Variants in DYNC1H1 observed in about 807,000 individuals in gnomAD.
DYNC1H1 encodes cytoplasmic dynein 1 heavy chain 1.
A neutral mutation model predicts 527.1 loss-of-function variants in DYNC1H1; 51 were observed. The observed-to-expected ratio is 0.10, with a 90% CI of 0.08 to 0.12. The LOEUF is 0.12. Ranked by LOEUF, DYNC1H1 falls within the 10% of genes least tolerant of loss-of-function variation. DYNC1H1 has a pLI of 1.00. For missense variants in DYNC1H1, 2,771 were observed against 5,971.8 expected, an observed-to-expected ratio of 0.46 and a Z score of 17.66; for synonymous variants, 2,189 against 2,278.8, an observed-to-expected ratio of 0.96 and a Z score of 1.12.
At chr14:101,971,082 ATTCT>A (rs1282514017) in intron 1 of DYNC1H1, among the ~76,000 whole-genome samples, 25 of 105,470 alleles carry the variant, frequency 2.4e-4, no homozygotes, top group Non-Finnish European at 3.8e-4. Context: ...GGGCCGTATC[ATTCT>A]TTTTTTTTTT....
intron 29 of DYNC1H1, chr14:102,009,267 T>C (rs1487158093): frequency 1.3e-5 from 2 of 158,300 alleles, no homozygotes; most frequent in Non-Finnish European, 2.8e-5. Context: ...TAATGTTTCC[T>C]TTTATTGCAT....
At position 101,997,717 on chromosome 14, in the gene DYNC1H1, G is replaced by GA. The variant is rs1265441117; in HGVS notation, c.3804+446dup. On this transcript the variant is annotated intron_variant, in intron 16 of 77. Coordinates refer to ENST00000360184, the MANE Select transcript of DYNC1H1 (RefSeq NM_001376.5). The surrounding 1 kb of genome is among the most constrained non-coding windows in gnomAD (Gnocchi z 4.8). ...AGCCATTTAAACCTTCCACCACCCA[G>GA]AAACTGCCACATCCACTTTTCTTCA... 1.8e-4 allele frequency among the ~76,000 whole-genome samples: 28 copies of GA among 152,320 alleles called. No homozygotes were observed. The highest frequency in any genetic ancestry group is 6.3e-4 in the African/African-American group (26 of 41,574).
chr14:102,025,355 A>C (rs2048435970), intron 43 of DYNC1H1, among the ~76,000 whole-genome samples: 1 of 151,742 alleles, frequency 6.6e-6, no homozygotes, highest in Non-Finnish European at 1.5e-5. Context: ...CAGTGAGCCG[A>C]GATCGCGCCA....
At position 102,010,512 on chromosome 14, in the gene DYNC1H1, C is replaced by T; in HGVS notation, c.6405+53C>T. 6.3e-7 allele frequency: 1 copy of T among 1,596,956 alleles called. No individual in the cohort carries two copies. The highest frequency in any genetic ancestry group is 8.5e-7 in the Non-Finnish European group (1 of 1,171,552). On this transcript the variant is annotated intron_variant, in intron 31 of 77. Coordinates refer to ENST00000360184, the MANE Select transcript of DYNC1H1 (RefSeq NM_001376.5). This position sits in a 1 kb window ranked among gnomAD's most constrained non-coding sequence, Gnocchi z 6.0. ...AACCTTATACGTTATTTAAATTTACCTTTTTAACATTTAAGCCATGACTTG... is the reference window on the plus strand; with the variant it reads ...AACCTTATACGTTATTTAAATTTACTTTTTTAACATTTAAGCCATGACTTG...
chr14:102,049,625 C>G lies in DYNC1H1; in HGVS notation c.13515+43C>G. 2 of 1,613,188 alleles carry G rather than the reference C, an allele frequency of 1.2e-6. No individual in the cohort carries two copies. Among genetic ancestry groups the G allele is most frequent in the African/African-American group, 1.3e-5 (1 of 75,042 alleles). ...GAGTCTCGGGTGGTCAGCAGCTGTC[C>G]TGGGCTGGGGTGGGAGTGGCTCTGG... On this transcript the variant is annotated intron_variant, in intron 75 of 77. Transcript: ENST00000360184. The surrounding 1 kb of genome is among the most constrained non-coding windows in gnomAD (Gnocchi z 5.5).
chr14:101,994,616 C>A, intron 12 of DYNC1H1, 57 bp from the exon 13 acceptor site: 3 of 1,597,640 alleles, frequency 1.9e-6, no homozygotes, highest in Non-Finnish European at 2.6e-6. Flanking sequence ...TAAGAGGTGC[C>A]AGTATTCTAC....
chr14:101,991,645 T>C lies in DYNC1H1; in HGVS notation c.2987T>C (p.Leu996Pro). 1.9e-6 allele frequency: 3 copies of C among 1,614,100 alleles called. No homozygotes were observed. Among genetic ancestry groups the C allele is most frequent in the Non-Finnish European group, 2.5e-6 (3 of 1,180,022 alleles). ...MFAWKMVVLS[L>P]PRIQSQRYQV... ...GCCTGGAAGATGGTTGTACTGTCTC[T>C]CCCCAGGATCCAGAGTCAGAGGTAC... Residue 996 changes from leucine (L) to proline (P), a missense_variant, in exon 11 of 78, where the codon CTC becomes CCC. This residue lies in a region of DYNC1H1 where 179 missense variants were observed against 349.4 expected (regional missense o/e 0.51). Transcript: ENST00000360184.
At position 102,040,580 on chromosome 14, in the gene DYNC1H1, C is replaced by T. The variant is rs886130859; in HGVS notation, c.11866-18C>T. ...GGCCAGCCCTGCTCCATGGGTGCTT[C>T]CACTATTGTCTCCACAGCAATTTGG... On this transcript the variant is annotated intron_variant, in intron 63 of 77. Transcript: ENST00000360184. The T allele has an allele frequency of 1.1e-5, 17 of 1,614,060 alleles. No individual in the cohort carries two copies. In the African/African-American group the frequency reaches 2.3e-4, roughly 22 times the overall value.
At chr14:101,978,332 C>T (rs138893859) in intron 2 of DYNC1H1, among the ~76,000 whole-genome samples, 3 of 152,226 alleles carry the variant, frequency 2.0e-5, no homozygotes, top group South Asian at 4.1e-4. Flanking sequence ...CTACTGTGCC[C>T]GGCCTAATTT....
In DYNC1H1 at chr14:102,020,157, G is replaced by C; in HGVS notation, c.8507+101G>C. On this transcript the variant is annotated intron_variant, in intron 42 of 77. Transcript: ENST00000360184. The surrounding 1 kb of genome is among the most constrained non-coding windows in gnomAD (Gnocchi z 4.3). ...TTGCAGGGGTGGTCTGCCTAAGTTA[G>C]AGCCAGGTGGTGCCAGTGGTGGAAG... is the stretch of plus-strand genomic sequence containing the variant. 1 of 1,495,412 alleles carries C rather than the reference G, an allele frequency of 6.7e-7. No homozygotes were observed. Among genetic ancestry groups the C allele is most frequent in the Non-Finnish European group, 9.1e-7 (1 of 1,100,118 alleles). The allele number at this position is 1,495,412 out of a possible 1,614,324, so 92.6% of individuals were successfully genotyped here.
intron 15 of DYNC1H1, among the ~76,000 whole-genome samples, chr14:101,996,234 A>T (rs1385175054): frequency 1.4e-5 from 2 of 147,460 alleles, no homozygotes; most frequent in African/African-American, 5.0e-5. Flanking sequence ...GGTTCAAGCG[A>T]TTCTCCTGCC....
At position 102,016,408 on chromosome 14, in the gene DYNC1H1, A is replaced by G; in HGVS notation, c.7533A>G (p.Arg2511=). 1 of 1,614,052 alleles carries G rather than the reference A, an allele frequency of 6.2e-7. No individual in the cohort carries two copies. Among genetic ancestry groups the G allele is most frequent in the East Asian group, 2.2e-5 (1 of 44,870 alleles). ...SLSGDSRLKM[R]AELGEYIRRI... ...CTGGAGACAGCCGGCTAAAAATGAGAGCAGAGCTGGGTGAATACATCAGAA... is the reference window on the plus strand; with the variant it reads ...CTGGAGACAGCCGGCTAAAAATGAGGGCAGAGCTGGGTGAATACATCAGAA... The change falls in exon 37 of 78, where the codon AGA becomes AGG. Residue 2511 remains arginine, a synonymous_variant. Transcript: ENST00000360184. The surrounding 1 kb of genome is among the most constrained non-coding windows in gnomAD (Gnocchi z 7.3).
chr14:101,991,619 T>C lies in DYNC1H1; in HGVS notation c.2961T>C (p.Phe987=). The C allele has an allele frequency of 6.2e-7, 1 of 1,614,214 alleles. No individual in the cohort carries two copies. Among genetic ancestry groups the C allele is most frequent in the Non-Finnish European group, 8.5e-7 (1 of 1,180,036 alleles). Residue 987 remains phenylalanine, a synonymous_variant, in exon 11 of 78, where the codon TTT becomes TTC. Transcript: ENST00000360184. ...GATACAAGCTGTATCAGGAAATGTT[T>C]GCCTGGAAGATGGTTGTACTGTCTC... The part of the protein sequence containing the change: ...ECRYKLYQEM[F]AWKMVVLSLP...
At chr14:101,978,442 G>C (rs1344956128) in intron 2 of DYNC1H1, among the ~76,000 whole-genome samples, 1 of 152,080 alleles carries the variant, frequency 6.6e-6, no homozygotes, top group Admixed American at 6.6e-5. Context: ...CAAAGTACTG[G>C]GATTACAGGC....
intron 16 of DYNC1H1, 103 bp from the exon 17 acceptor site, chr14:101,999,886 A>C: frequency 6.5e-7 from 1 of 1,544,290 alleles, no homozygotes; most frequent in Non-Finnish European, 8.9e-7. Context: ...AAGAATCCGA[A>C]ACGTCCAGAA....
intron 1 of DYNC1H1, among the ~76,000 whole-genome samples, chr14:101,967,434 T>C (rs2047681112): frequency 6.6e-6 from 1 of 152,272 alleles, no homozygotes; most frequent in Non-Finnish European, 1.5e-5. Flanking sequence ...TTTGTGGAAG[T>C]ATCCAAACAC....
At chr14:101,969,214 G>A (rs1233274691) in intron 1 of DYNC1H1, 1 of 150,686 alleles carries the variant, frequency 6.6e-6, no homozygotes, top group East Asian at 2.0e-4. Context: ...TAGAGACGGG[G>A]TTTCACCGTG....
Position 102,016,548 on chromosome 14 carries a change from T to G in DYNC1H1, c.7614+59T>G. 1 of 1,613,816 alleles carries G rather than the reference T, an allele frequency of 6.2e-7. No homozygotes were observed. The highest frequency in any genetic ancestry group is 8.5e-7 in the Non-Finnish European group (1 of 1,179,818). ...CTCGCCTTGTTGATTTAACTCATCC[T>G]GGAACAAGCTGACCATGGACCTTGG... is the stretch of plus-strand genomic sequence containing the variant. On this transcript the variant is annotated intron_variant, in intron 37 of 77. Transcript: ENST00000360184. The surrounding 1 kb of genome is among the most constrained non-coding windows in gnomAD (Gnocchi z 7.3).
chr14:102,000,576 T>TTC, intron 18 of DYNC1H1, 177 bp downstream of exon 18: 1 of 461,194 alleles, frequency 2.2e-6, no homozygotes, highest in East Asian at 4.4e-5. Context: ...TTGAAACCTT[T>TTC]TTTTTTTTTT....
Sources: allele counts gnomAD v4.1 joint callset (sites outside exome capture counted in the v4.1 genomes callset), GRCh38; gene constraint gnomAD v4.1.1; regional missense constraint gnomAD v4.1.1; non-coding constraint Gnocchi (gnomAD v3.1); transcripts MANE v1.5; gene names NCBI Gene and HGNC (gene_info 2026-07-23, HGNC 2026-07-21).